MRTFA: variants seen among roughly 807,000 people sequenced by gnomAD.
MRTFA encodes the protein myocardin-related transcription factor A.
In MRTFA, 20 loss-of-function variants were observed where a neutral mutation model predicts 83.5. The observed-to-expected ratio is 0.24, with a 90% confidence interval of 0.17 to 0.35. The LOEUF is 0.35. Ranked by LOEUF, MRTFA falls within the 10% of genes least tolerant of loss-of-function variation. MRTFA has a pLI of 1.00. For missense variants in MRTFA, 1,200 were observed against 1,224.7 expected (o/e 0.98, Z 0.30); for synonymous variants, 659 against 541.2 (o/e 1.22, Z -3.02).
rs144245710 is a variant in MRTFA at position 40,451,936 on chromosome 22, G to C, written c.307+11285C>G. Among the ~76,000 whole-genome samples, 567 of 143,062 alleles carry C rather than the reference G, an allele frequency of 4.0e-3. 4 individuals carry two copies. The highest frequency in any genetic ancestry group is 6.2e-3 in the Non-Finnish European group (416 of 66,650). The allele number at this position is 143,062 out of a possible 152,430, so 93.9% of individuals were successfully genotyped here. A position where few individuals can be genotyped will look rare whatever the true frequency, so the allele number is the denominator to read the frequency against. ...AATTCCAGGTCACCTGTGCCCTCCT[G>C]CAAATAACATCCCACCTGGCTGAAG... is the stretch of plus-strand genomic sequence containing the variant. On this transcript the variant is annotated intron_variant, in intron 4 of 14. Transcript: ENST00000355630.
At chr22:40,594,014 C>T (rs1211088395) in intron 2 of MRTFA, among the ~76,000 whole-genome samples, 7 of 152,210 alleles carry the variant, frequency 4.6e-5, no homozygotes, top group Non-Finnish European at 1.0e-4. Context: ...GCGTGAACTG[C>T]CATCTATAGC....
intron 5 of MRTFA, among the ~76,000 whole-genome samples, chr22:40,432,829 G>A (rs540889567): frequency 1.4e-4 from 21 of 152,272 alleles, no homozygotes; most frequent in Non-Finnish European, 1.8e-4. Context: ...ATCACCCCAC[G>A]TGCAGTGGGC....
intron 4 of MRTFA, chr22:40,436,358 A>G (rs1315750849): frequency 6.5e-6 from 1 of 154,384 alleles, no homozygotes; most frequent in Non-Finnish European, 1.5e-5. Context: ...AAAAAGATAT[A>G]TGTCCACTCG....
At chr22:40,421,586 A>G (rs1461986098) in intron 9 of MRTFA, among the ~76,000 whole-genome samples, 2 of 152,204 alleles carry the variant, frequency 1.3e-5, no homozygotes, top group African/African-American at 4.8e-5. Flanking sequence ...TCACTTGCCC[A>G]AAGTCACAAT....
intron 4 of MRTFA, among the ~76,000 whole-genome samples, chr22:40,436,493 C>G (rs899632999): frequency 6.6e-5 from 10 of 152,190 alleles, no homozygotes; most frequent in African/African-American, 2.4e-4. Flanking sequence ...CAACCGACAG[C>G]TGAGACGAAG....
chr22:40,452,425 A>C lies in MRTFA; in HGVS notation c.307+10796T>G, dbSNP rs972616711. On this transcript the variant is annotated intron_variant, in intron 4 of 14. Transcript: ENST00000355630. ...TAACCTTCTTTTACTCTTGATAAGA[A>C]GTTAGCCTTGGATATCTCAGATTCT... Among the ~76,000 whole-genome samples the C allele has an allele frequency of 5.3e-5, 8 of 152,208 alleles. No homozygotes were observed. The East Asian group carries it at 1.5e-3, about 29-fold the overall frequency.
chr22:40,532,532 G>T (rs1021596842), intron 3 of MRTFA, among the ~76,000 whole-genome samples: 2 of 152,150 alleles, frequency 1.3e-5, no homozygotes, highest in Non-Finnish European at 2.9e-5. Context: ...TAGCCTATAT[G>T]CATAAAAAAT....
chr22:40,469,269 T>C (rs1036865575), intron 3 of MRTFA, among the ~76,000 whole-genome samples: 1 of 152,218 alleles, frequency 6.6e-6, no homozygotes, highest in African/African-American at 2.4e-5. Flanking sequence ...GTCTGGGTCA[T>C]GGCGGCAGAT....
chr22:40,586,891 C>A, intron 2 of MRTFA: 1 of 207,926 alleles, frequency 4.8e-6, no homozygotes, highest in Non-Finnish European at 1.1e-5. Flanking sequence ...TCTAGTGCTG[C>A]TGGTGCTGCT....
intron 3 of MRTFA, among the ~76,000 whole-genome samples, chr22:40,514,910 C>CT (rs1338372081): frequency 0.013 from 1,642 of 130,786 alleles, 18 homozygotes; most frequent in African/African-American, 0.031. Context: ...ATATTTCTTC[C>CT]TTTTTTTTTT....
intron 1 of MRTFA, among the ~76,000 whole-genome samples, chr22:40,599,457 T>A (rs577688057): frequency 1.4e-4 from 22 of 152,176 alleles, no homozygotes; most frequent in Admixed American, 6.5e-5. Flanking sequence ...CAATCTAAGA[T>A]GACATTATCC....
intron 3 of MRTFA, among the ~76,000 whole-genome samples, chr22:40,481,089 C>G (rs998174919): frequency 6.6e-6 from 1 of 152,102 alleles, no homozygotes; most frequent in African/African-American, 2.4e-5. Context: ...GCCTGGGCAA[C>G]AGGGTGAGAC....
Position 40,615,032 on chromosome 22 carries a change from T to C in MRTFA, c.-83-20297A>G, listed in dbSNP as rs144254284. On this transcript the variant is annotated intron_variant, in intron 1 of 14. Transcript: ENST00000355630. ...CAATTTTTACTTTTATGGTGAGTGC[T>C]CCTTACACGTGCTAGAAAAAAAAAA... Among the ~76,000 whole-genome samples, 665 of 152,174 alleles carry C rather than the reference T, an allele frequency of 4.4e-3. 7 individuals are homozygous for C. Among genetic ancestry groups the C allele is most frequent in the African/African-American group, 0.015 (641 of 41,490 alleles).
intron 2 of MRTFA, among the ~76,000 whole-genome samples, chr22:40,588,782 G>C (rs1368454230): frequency 1.3e-5 from 2 of 152,122 alleles, no homozygotes; most frequent in African/African-American, 2.4e-5. Context: ...AGGAGTTCGA[G>C]ACCACCCTGG....
intron 3 of MRTFA, among the ~76,000 whole-genome samples, chr22:40,546,108 C>T (rs2055362188): frequency 2.0e-5 from 3 of 152,210 alleles, no homozygotes; most frequent in South Asian, 2.1e-4. Flanking sequence ...TCTCAACACA[C>T]GGTACACCCA....
intron 1 of MRTFA, among the ~76,000 whole-genome samples, chr22:40,603,801 G>T (rs1220339902): frequency 6.8e-6 from 1 of 146,366 alleles, no homozygotes; most frequent in East Asian, 2.0e-4. Flanking sequence ...TTATAGAGAT[G>T]AGGTCTCACT....
intron 1 of MRTFA, among the ~76,000 whole-genome samples, chr22:40,619,879 A>G (rs5995881): frequency 0.094 from 13,385 of 143,006 alleles, 814 homozygotes; most frequent in East Asian, 0.22. Context: ...AACAGAGCGA[A>G]ACTCCGTCTC....
intron 4 of MRTFA, 49 bp from the exon 5 acceptor site, chr22:40,435,603 C>G: frequency 6.3e-7 from 1 of 1,592,866 alleles, no homozygotes; most frequent in Non-Finnish European, 8.6e-7. Flanking sequence ...AGCATCATGT[C>G]TAGTGCTACG....
intron 6 of MRTFA, among the ~76,000 whole-genome samples, chr22:40,430,450 T>C (rs922189999): frequency 6.6e-6 from 1 of 151,816 alleles, no homozygotes; most frequent in Non-Finnish European, 1.5e-5. Flanking sequence ...ACTGTGCCAC[T>C]GCACACTAGC....
Sources: gnomAD v4.1 joint callset for allele counts (sites outside exome capture counted in the v4.1 genomes callset) on GRCh38, gnomAD v4.1.1 for gene constraint, MANE v1.5 for transcripts, NCBI Gene and HGNC (gene_info 2026-07-23, HGNC 2026-07-21) for gene names.